The following FGGY variants were observed in gnomAD, a reference collection of about 807,000 sequenced individuals.
FGGY encodes FGGY carbohydrate kinase domain-containing protein.
A neutral mutation model predicts 71.3 loss-of-function variants in FGGY; 72 were observed. That is an observed-to-expected ratio of 1.01 (90% CI 0.84 to 1.23). The LOEUF is 1.23. FGGY is among the 50% of genes most tolerant of loss of function. FGGY has a pLI of 0.00. For missense variants in FGGY, 668 were observed against 682.3 expected, an observed-to-expected ratio of 0.98 and a Z score of 0.23; for synonymous variants, 251 against 250.3, an observed-to-expected ratio of 1.00 and a Z score of -0.02.
At chr1:59,559,857 T>A (rs2095757197) in intron 8 of FGGY, among the ~76,000 whole-genome samples, 1 of 152,148 alleles carries the variant, frequency 6.6e-6, no homozygotes, top group Non-Finnish European at 1.5e-5. Context: ...AAGACCATAC[T>A]GACATAAATT....
chr1:59,616,140 A>G (rs1305670005), intron 9 of FGGY, among the ~76,000 whole-genome samples: 1 of 152,262 alleles, frequency 6.6e-6, no homozygotes, highest in African/African-American at 2.4e-5. Flanking sequence ...TACTGGGTAT[A>G]TACCCAAAGG....
At chr1:59,453,103 A>G (rs1420483742) in intron 5 of FGGY, among the ~76,000 whole-genome samples, 1 of 152,214 alleles carries the variant, frequency 6.6e-6, no homozygotes, top group Non-Finnish European at 1.5e-5. Flanking sequence ...GTTTTGGAGT[A>G]CCTGTGGCTT....
chr1:59,487,073 G>T (rs1164422252), intron 6 of FGGY, among the ~76,000 whole-genome samples: 2 of 152,138 alleles, frequency 1.3e-5, no homozygotes, highest in Non-Finnish European at 2.9e-5. Context: ...AGGTTTTTCA[G>T]TGTATATAGA....
At chr1:59,585,361 TACCACACATCTACA>T (rs1337035632) in intron 8 of FGGY, among the ~76,000 whole-genome samples, 1 of 152,050 alleles carries the variant, frequency 6.6e-6, no homozygotes, top group African/African-American at 2.4e-5. Flanking sequence ...TCAGAAATAA[TACCACACATCTACA>T]ACCATCTGAT....
chr1:59,409,513 G>A (rs1425915069), intron 5 of FGGY, among the ~76,000 whole-genome samples: 2 of 151,718 alleles, frequency 1.3e-5, no homozygotes, highest in Non-Finnish European at 2.9e-5. Flanking sequence ...TGTGTGCATT[G>A]TTCTCCAAAT....
chr1:59,625,666 C>T (rs1470319021), intron 9 of FGGY, among the ~76,000 whole-genome samples: 1 of 152,116 alleles, frequency 6.6e-6, no homozygotes, highest in Non-Finnish European at 1.5e-5. Context: ...AGACCCCCCC[C>T]ATTTGACATA....
intron 4 of FGGY, among the ~76,000 whole-genome samples, chr1:59,357,864 G>A (rs550953836): frequency 2.0e-5 from 3 of 152,308 alleles, no homozygotes; most frequent in South Asian, 2.1e-4. Flanking sequence ...TCTTCCTGAC[G>A]GCTGTGCAGG....
chr1:59,468,549 A>T (rs1428325500), intron 6 of FGGY, among the ~76,000 whole-genome samples: 1 of 152,150 alleles, frequency 6.6e-6, no homozygotes, highest in African/African-American at 2.4e-5. Context: ...CACTTTAGAT[A>T]TTTTTGTCAT....
At chr1:59,556,400 T>C (rs1293859200) in intron 8 of FGGY, among the ~76,000 whole-genome samples, 2 of 152,204 alleles carry the variant, frequency 1.3e-5, no homozygotes, top group South Asian at 2.1e-4. Flanking sequence ...TCCCTACCCA[T>C]TTAATGTACA....
chr1:59,353,238 T>G (rs1435476166), intron 4 of FGGY, among the ~76,000 whole-genome samples: 1 of 152,196 alleles, frequency 6.6e-6, no homozygotes, highest in Admixed American at 6.5e-5. Flanking sequence ...TAAAGTGGCT[T>G]ATATAGTAGA....
intron 14 of FGGY, among the ~76,000 whole-genome samples, chr1:59,681,576 C>T (rs2097499289): frequency 6.6e-6 from 1 of 152,166 alleles, no homozygotes; most frequent in African/African-American, 2.4e-5. Context: ...ATTAATTCCT[C>T]ACTCTAATTA....
chr1:59,325,445 T>C (rs1352928647), intron 2 of FGGY, among the ~76,000 whole-genome samples: 1 of 152,082 alleles, frequency 6.6e-6, no homozygotes, highest in African/African-American at 2.4e-5. Context: ...CTTCTGACAG[T>C]CTATGCCCTT....
At chr1:59,367,369 A>G (rs1490727619) in intron 4 of FGGY, among the ~76,000 whole-genome samples, 2 of 152,210 alleles carry the variant, frequency 1.3e-5, no homozygotes, top group Non-Finnish European at 2.9e-5. Context: ...TCTCTGGGCT[A>G]TTGGCCTGTG....
intron 8 of FGGY, among the ~76,000 whole-genome samples, chr1:59,587,553 G>C (rs113518006): frequency 1.3e-5 from 2 of 152,122 alleles, no homozygotes; most frequent in East Asian, 3.9e-4. Flanking sequence ...CCCCCAGTAG[G>C]GGCAGACTGA....
chr1:59,381,367 T>C (rs2059414355), intron 5 of FGGY, among the ~76,000 whole-genome samples: 1 of 152,222 alleles, frequency 6.6e-6, no homozygotes, highest in Admixed American at 6.5e-5. Context: ...GCATTGAATC[T>C]ATAAATTACC....
In FGGY at chr1:59,462,366, C is replaced by A. The variant is rs533577131; in HGVS notation, c.670+5290C>A. The stretch of plus-strand genomic sequence containing the variant: ...AAACCATAAAAACCCTAGAAGAAAA[C>A]CTAGGCATTACCATTCAGGACATAG... On this transcript the variant is annotated intron_variant, in intron 6 of 15. Coordinates refer to ENST00000303721, the MANE Select transcript of FGGY (RefSeq NM_018291.5). 1.2e-4 allele frequency among the ~76,000 whole-genome samples: 19 copies of A among 152,214 alleles called. No individual in the cohort carries two copies. In the East Asian group the frequency reaches 3.5e-3, roughly 28 times the overall value.
At chr1:59,397,302 A>G (rs2061441011) in intron 5 of FGGY, among the ~76,000 whole-genome samples, 1 of 152,178 alleles carries the variant, frequency 6.6e-6, no homozygotes, top group Admixed American at 6.5e-5. Context: ...CTGCTGGGAC[A>G]AGGGACGTGG....
At chr1:59,724,922 T>C (rs1268715976) in intron 14 of FGGY, among the ~76,000 whole-genome samples, 1 of 152,226 alleles carries the variant, frequency 6.6e-6, no homozygotes, top group Admixed American at 6.5e-5. Context: ...GTGGCTTGTC[T>C]TTCCATTCTG....
chr1:59,580,681 A>G (rs1366288348), intron 8 of FGGY, among the ~76,000 whole-genome samples: 1 of 152,142 alleles, frequency 6.6e-6, no homozygotes, highest in Admixed American at 6.6e-5. Flanking sequence ...GCTGTTTTTT[A>G]ACTGCATGCA....
Sources: allele counts gnomAD v4.1 joint callset (sites outside exome capture counted in the v4.1 genomes callset), GRCh38; gene constraint gnomAD v4.1.1; transcripts MANE v1.5; gene names NCBI Gene and HGNC (gene_info 2026-07-23, HGNC 2026-07-21).